Variants in JKAMP observed in about 807,000 individuals in gnomAD.
The protein encoded by JKAMP is JNK1/MAPK8-associated membrane protein.
A neutral mutation model predicts 40.2 loss-of-function variants in JKAMP; 20 were observed. The observed-to-expected ratio is 0.50, with a 90% CI of 0.35 to 0.72. JKAMP has a LOEUF of 0.72. Ranked by LOEUF, JKAMP falls within the 30% of genes least tolerant of loss-of-function variation. The pLI is 0.01. For synonymous variants in JKAMP, 138 were observed against 131.6 expected (o/e 1.05, Z -0.33); for missense variants, 276 against 373.0 (o/e 0.74, Z 2.14).
intron 3 of JKAMP, 31 bp from the exon 4 acceptor site, chr14:59,494,987 T>C: frequency 1.3e-6 from 2 of 1,513,050 alleles, no homozygotes; most frequent in Non-Finnish European, 1.8e-6. Context: ...TTGCAATTTT[T>C]CTAGTAATCA....
intron 3 of JKAMP, among the ~76,000 whole-genome samples, chr14:59,494,121 G>GGTGT (rs55831018): frequency 0.07 from 10,552 of 151,034 alleles, 429 homozygotes; most frequent in Middle Eastern, 0.13. Flanking sequence ...AGAAAATTTG[G>GGTGT]GTGTGTGTGT....
At chr14:59,492,460 TC>T (rs1460064102) in intron 3 of JKAMP, among the ~76,000 whole-genome samples, 2 of 152,150 alleles carry the variant, frequency 1.3e-5, no homozygotes, top group African/African-American at 4.8e-5. Flanking sequence ...TTATAACAAT[TC>T]CATGAACTTC....
intron 5 of JKAMP, among the ~76,000 whole-genome samples, chr14:59,499,513 C>CTA (rs1891713863): frequency 6.6e-6 from 1 of 151,960 alleles, no homozygotes; most frequent in Non-Finnish European, 1.5e-5. Context: ...TGTTTAGTAA[C>CTA]CATTTAGACC....
intron 3 of JKAMP, among the ~76,000 whole-genome samples, chr14:59,493,821 A>G (rs1891215092): frequency 6.6e-6 from 1 of 152,224 alleles, no homozygotes; most frequent in Non-Finnish European, 1.5e-5. Context: ...AAGGATTATG[A>G]TCATATTATT....
At chr14:59,490,235 AAAC>A (rs1890889746) in intron 3 of JKAMP, among the ~76,000 whole-genome samples, 5 of 152,248 alleles carry the variant, frequency 3.3e-5, no homozygotes, top group African/African-American at 1.2e-4. Flanking sequence ...AGGATCTTTT[AAAC>A]AACCAAATCT....
intron 1 of JKAMP, among the ~76,000 whole-genome samples, chr14:59,485,273 T>G (rs936476510): frequency 2.0e-5 from 3 of 152,222 alleles, no homozygotes; most frequent in African/African-American, 7.2e-5. Context: ...ACCTTCTGCA[T>G]TCTTGAAAAA....
At chr14:59,485,290 A>G (rs892399244) in intron 1 of JKAMP, among the ~76,000 whole-genome samples, 11 of 152,210 alleles carry the variant, frequency 7.2e-5, no homozygotes, top group African/African-American at 2.7e-4. Context: ...AAAACCTGAA[A>G]TATTCATTTT....
intron 3 of JKAMP, among the ~76,000 whole-genome samples, chr14:59,494,480 C>T (rs899804392): frequency 1.3e-5 from 2 of 152,000 alleles, no homozygotes; most frequent in Non-Finnish European, 2.9e-5. Flanking sequence ...TGATATCATT[C>T]AAAAATAAGC....
In JKAMP at chr14:59,504,617, A is replaced by G. The variant is rs143938359; in HGVS notation, c.*545A>G. 1,019 of 152,902 alleles carry G rather than the reference A, an allele frequency of 6.7e-3. 7 individuals are homozygous for G. Among genetic ancestry groups the G allele is most frequent in the Admixed American group, 0.012 (190 of 15,304 alleles). The allele number at this position is 152,902 out of a possible 1,614,324, so 9.5% of individuals were successfully genotyped here. On this transcript the variant is annotated 3_prime_UTR_variant, in exon 7 of 7. Coordinates refer to ENST00000616435, the MANE Select transcript of JKAMP (RefSeq NM_016475.5). ...ATTGCAAAAATAGATAATAATTTAT[A>G]TAACAGGTTTTCTGTTTATAGATTG...
chr14:59,502,703 T>C (rs928419778), intron 6 of JKAMP, among the ~76,000 whole-genome samples: 28 of 150,638 alleles, frequency 1.9e-4, no homozygotes, highest in South Asian at 4.2e-4. Context: ...TAGGGAAAGA[T>C]TTGAGGGAGA....
At chr14:59,491,218 G>A (rs1050852636) in intron 3 of JKAMP, among the ~76,000 whole-genome samples, 4 of 152,200 alleles carry the variant, frequency 2.6e-5, no homozygotes, top group Non-Finnish European at 4.4e-5. Context: ...TTGAGGTGGA[G>A]GGTGATGCAT....
rs146562268 is a variant in JKAMP at position 59,505,305 on chromosome 14, TTTC to T, written c.*1241_*1243del. ...GGAAATGAACCCTTGTACGAATGTGTTTCTTCTTCTCTGTAGGAATAAAAAATA... is the reference window on the plus strand; with the variant it reads ...GGAAATGAACCCTTGTACGAATGTGTTTCTTCTCTGTAGGAATAAAAAATA... On this transcript the variant is annotated 3_prime_UTR_variant, in exon 7 of 7. Transcript: ENST00000616435. 16,283 of 1,489,830 alleles carry T rather than the reference TTTC, an allele frequency of 0.011. 149 individuals are homozygous for T. Among genetic ancestry groups the T allele is most frequent in the Non-Finnish European group, 0.013 (14,532 of 1,113,028 alleles). The allele number at this position is 1,489,830 out of a possible 1,614,324, so 92.3% of individuals were successfully genotyped here. A position where few individuals can be genotyped will look rare whatever the true frequency, so the allele number is the denominator to read the frequency against.
intron 1 of JKAMP, 104 bp downstream of exon 1, chr14:59,484,697 G>T: frequency 7.2e-7 from 1 of 1,397,704 alleles, no homozygotes. Context: ...TTCGGTTGGC[G>T]GCGCAGGCTC....
At position 59,487,663 on chromosome 14, in the gene JKAMP, A is replaced by C. The variant is rs771604498; in HGVS notation, c.97-11A>C. On this transcript the variant is annotated splice_polypyrimidine_tract_variant and intron_variant, in intron 2 of 6. Coordinates refer to ENST00000616435, the MANE Select transcript of JKAMP (RefSeq NM_016475.5). Reference sequence around the variant, plus strand: ...TATCTGTACACAAAATATTGGTTTTATATATTATAGGTATGCCCAAGAGGA... The same window carrying C: ...TATCTGTACACAAAATATTGGTTTTCTATATTATAGGTATGCCCAAGAGGA... 1 of 1,604,700 alleles carries C rather than the reference A, an allele frequency of 6.2e-7. No homozygotes were observed.
chr14:59,495,089 T>C lies in JKAMP; in HGVS notation c.323T>C (p.Val108Ala). Reference sequence around the variant, plus strand: ...ATGGCAGCTATTATCACCTTACTTGTGAGTGATCCAGTTGGTGTTCTTTAT... The same window carrying C: ...ATGGCAGCTATTATCACCTTACTTGCGAGTGATCCAGTTGGTGTTCTTTAT... ...CSMAAIITLLVSDPVGVLYIR... is the reference protein window; with the variant it reads ...CSMAAIITLLASDPVGVLYIR... The change falls in exon 4 of 7, where the codon GTG becomes GCG. Residue 108 changes from valine (V) to alanine (A), a missense_variant. By Grantham distance (64) the Val-to-Ala change is moderately conservative (BLOSUM62 0). Transcript: ENST00000616435. 1 of 1,613,688 alleles carries C rather than the reference T, an allele frequency of 6.2e-7. No homozygotes were observed. The highest frequency in any genetic ancestry group is 1.1e-5 in the South Asian group (1 of 91,082).
chr14:59,501,207 C>T lies in JKAMP; in HGVS notation c.657C>T (p.Tyr219=), dbSNP rs776657640. 1 of 1,596,532 alleles carries T rather than the reference C, an allele frequency of 6.3e-7. No homozygotes were observed. Among genetic ancestry groups the T allele is most frequent in the South Asian group, 1.1e-5 (1 of 90,306 alleles). Residue 219 remains tyrosine, a synonymous_variant, in exon 6 of 7, where the codon TAC becomes TAT. Transcript: ENST00000616435. ...ATCTTTCAGATTACGCCTTCCCATA[C>T]ATTATATTAGTGTTATCTTTGGTTA... The part of the protein sequence containing the change: ...GGGLLYYAFP[Y]IILVLSLVTL...
chr14:59,489,231 C>T (rs1890807705), intron 3 of JKAMP, among the ~76,000 whole-genome samples: 1 of 152,238 alleles, frequency 6.6e-6, no homozygotes, highest in South Asian at 2.1e-4. Flanking sequence ...TTTGCTCCCA[C>T]ATCTATCTGA....
chr14:59,504,035 C>T lies in JKAMP; in HGVS notation c.899C>T (p.Pro300Leu). 6.2e-7 allele frequency: 1 copy of T among 1,613,714 alleles called. No individual in the cohort carries two copies. Residue 300 changes from proline (P) to leucine (L), a missense_variant, in exon 7 of 7, where the codon CCT (proline) becomes CTT (leucine). Physicochemically the swap from Pro to Leu is moderately conservative, Grantham distance 98 (BLOSUM62 -3). Coordinates refer to ENST00000616435, the MANE Select transcript of JKAMP (RefSeq NM_016475.5). ...FYLFTAKFTE[P>L]SRILSEGANG... ...TTGTTCACTGCAAAATTTACCGAAC[C>T]TTCAAGGATACTCTCAGAAGGAGCC...
intron 3 of JKAMP, among the ~76,000 whole-genome samples, chr14:59,491,293 C>T (rs776296996): frequency 4.6e-5 from 7 of 152,048 alleles, no homozygotes; most frequent in Non-Finnish European, 1.0e-4. Flanking sequence ...ATAGAGAAGA[C>T]GATGCTGGTG....
Sources: gnomAD v4.1 joint callset for allele counts (sites outside exome capture counted in the v4.1 genomes callset) on GRCh38, gnomAD v4.1.1 for gene constraint, MANE v1.5 for transcripts, NCBI Gene and HGNC (gene_info 2026-07-23, HGNC 2026-07-21) for gene names.